Variants in LRWD1 observed in about 807,000 individuals in gnomAD.
LRWD1 encodes the protein leucine-rich repeat and WD repeat-containing protein 1.
A neutral mutation model predicts 75.6 loss-of-function variants in LRWD1; 76 were observed. That is an observed-to-expected ratio of 1.01 (90% CI 0.84 to 1.22). The LOEUF (loss-of-function observed/expected upper bound fraction) is 1.22, where lower values mean the gene tolerates loss of function less well. Among genes scored for constraint, LRWD1 ranks in the 50% most tolerant of loss-of-function variants. The probability of loss-of-function intolerance (pLI) is 0.00; values close to 1 mark genes in which losing one functional copy is unlikely to be tolerated. For missense variants in LRWD1, 917 were observed against 862.0 expected, an observed-to-expected ratio of 1.06 and a Z score of -0.80; for synonymous variants, 487 against 377.0, an observed-to-expected ratio of 1.29 and a Z score of -3.38.
intron 3 of LRWD1, among the ~76,000 whole-genome samples, chr7:102,467,118 G>GGGGT (rs71106687): frequency 3.5e-5 from 4 of 114,446 alleles, no homozygotes; most frequent in Non-Finnish European, 5.2e-5. Flanking sequence ...TTGTTGCTGG[G>GGGGT]GTGTGTGTGT....
At chr7:102,469,388 G>T (rs968941629) in intron 9 of LRWD1, among the ~76,000 whole-genome samples, 186 bp from the exon 10 acceptor site, 2 of 151,704 alleles carry the variant, frequency 1.3e-5, no homozygotes, top group Non-Finnish European at 2.9e-5. Flanking sequence ...TGGAGCCACC[G>T]CATCAGGTTA....
chr7:102,469,070 C>T lies in LRWD1; in HGVS notation c.1228+8C>T, dbSNP rs759454747. The T allele has an allele frequency of 1.9e-6, 3 of 1,590,398 alleles. No homozygotes were observed. The highest frequency in any genetic ancestry group is 2.6e-6 in the Non-Finnish European group (3 of 1,167,408). On this transcript the variant is annotated splice_region_variant and intron_variant, in intron 9 of 14. Coordinates refer to ENST00000292616, the MANE Select transcript of LRWD1 (RefSeq NM_152892.3). Reference sequence around the variant, plus strand: ...ACGAGACCCATCTCTTCAGTAAGCCCCTCCCCTTCACCCCTGGGACCCCCA... The same window carrying T: ...ACGAGACCCATCTCTTCAGTAAGCCTCTCCCCTTCACCCCTGGGACCCCCA...
At chr7:102,465,385 C>A in intron 1 of LRWD1, 1 of 442,270 alleles carries the variant, frequency 2.3e-6, no homozygotes, top group East Asian at 3.8e-5. Context: ...GCACAGCCTG[C>A]CGCTATCGTT....
chr7:102,466,581 A>AT (rs1218876525), intron 3 of LRWD1, among the ~76,000 whole-genome samples: 1 of 151,118 alleles, frequency 6.6e-6, no homozygotes, highest in South Asian at 2.1e-4. Context: ...TGCCCAGCTA[A>AT]TTTTTTTTGT....
chr7:102,472,554 G>C lies in LRWD1; in HGVS notation c.1635G>C (p.Ala545=), dbSNP rs761553328. ...CCACGGTGGCAGTGGTGGTCCTGGC[G>C]CGGCTGCAATGGTCGTCCACCGAGT... ...SQSTVAVVVL[A]RLQWSSTELA... Residue 545 remains alanine (A), a synonymous_variant, in exon 13 of 15, where the codon GCG becomes GCC. Coordinates refer to ENST00000292616, the MANE Select transcript of LRWD1 (RefSeq NM_152892.3). 8 of 1,597,482 alleles carry C rather than the reference G, an allele frequency of 5.0e-6. No individual in the cohort carries two copies. The East Asian group carries it at 1.4e-4, about 27-fold the overall frequency.
chr7:102,472,377 T>G, intron 12 of LRWD1, 68 bp downstream of exon 12: 1 of 1,551,472 alleles, frequency 6.4e-7, no homozygotes, highest in Non-Finnish European at 8.7e-7. Context: ...GTCCCTGGGC[T>G]AGGCTTCTGA....
At position 102,467,663 on chromosome 7, in the gene LRWD1, A is replaced by C. The variant is rs1164731949; in HGVS notation, c.574-56A>C. The C allele has an allele frequency of 2.0e-6, 3 of 1,531,064 alleles. No homozygotes were observed. In the South Asian group the frequency reaches 3.6e-5, roughly 18 times the overall value. 94.8% of individuals were successfully genotyped at this position (1,531,064 alleles called of 1,614,324 possible). A position where few individuals can be genotyped will look rare whatever the true frequency, so the allele number is the denominator to read the frequency against. Reference sequence around the variant, plus strand: ...AAGCTCCCCCTGACTATGCATCGGCAGGGCTGGGGGCACCTGGGACTCTGC... The same window carrying C: ...AAGCTCCCCCTGACTATGCATCGGCCGGGCTGGGGGCACCTGGGACTCTGC... On this transcript the variant is annotated intron_variant, in intron 4 of 14. Transcript: ENST00000292616.
intron 8 of LRWD1, 83 bp downstream of exon 8, chr7:102,468,737 C>A: frequency 6.6e-7 from 1 of 1,520,872 alleles, no homozygotes; most frequent in Non-Finnish European, 8.9e-7. Flanking sequence ...GCAGGCTCGG[C>A]CCCCTGCCCC....
At chr7:102,469,720 G>C (rs759028490) in intron 10 of LRWD1, 22 bp from the exon 11 acceptor site, 2 of 1,611,804 alleles carry the variant, frequency 1.2e-6, no homozygotes, top group South Asian at 1.1e-5. Context: ...CTGATGCTCT[G>C]TTCCCCCTTG....
rs369682391 is a variant in LRWD1 at position 102,469,808 on chromosome 7, C to T, written c.1368C>T (p.Asp456=). The T allele has an allele frequency of 1.1e-5, 17 of 1,607,604 alleles. No individual in the cohort carries two copies. The African/African-American group carries it at 1.6e-4, about 15-fold the overall frequency. The change falls in exon 11 of 15, where the codon GAC becomes GAT. Residue 456 remains aspartate, a synonymous_variant. Coordinates refer to ENST00000292616, the MANE Select transcript of LRWD1 (RefSeq NM_152892.3). Reference sequence around the variant, plus strand: ...TCTGCCCTGTCGCCTCCTGCCCGGACGCCCGCCTGCTGGCCGGCTGCGAGG... The same window carrying T: ...TCTGCCCTGTCGCCTCCTGCCCGGATGCCCGCCTGCTGGCCGGCTGCGAGG... The part of the protein sequence containing the change: ...LRLCPVASCP[D]ARLLAGCEGG...
chr7:102,470,535 T>TG (rs1371588147), intron 11 of LRWD1: 2 of 152,388 alleles, frequency 1.3e-5, no homozygotes, highest in Non-Finnish European at 2.9e-5. Context: ...ATGGATATTC[T>TG]GGGGCTCACG....
In LRWD1 at chr7:102,469,575, G is replaced by A. The variant is rs140653534; in HGVS notation, c.1230G>A (p.Thr410=). 2.1e-5 allele frequency: 34 copies of A among 1,614,082 alleles called. No homozygotes were observed. The highest frequency in any genetic ancestry group is 7.7e-5 in the South Asian group (7 of 91,084). The change falls in exon 10 of 15, where the codon ACG becomes ACA. Residue 410 remains threonine (T), a splice_region_variant and synonymous_variant. Transcript: ENST00000292616. ...FSPAHETHLF[T]ASYDKRIILW... ...TCCCCTACCCCACCCCCTCTTCAGC[G>A]GCCTCCTATGACAAGCGGATCATCC...
At position 102,468,665 on chromosome 7, in the gene LRWD1, G is replaced by C; in HGVS notation, c.1020+11G>C. On this transcript the variant is annotated intron_variant, in intron 8 of 14. Coordinates refer to ENST00000292616, the MANE Select transcript of LRWD1 (RefSeq NM_152892.3). ...AAGGCACCCGGCGAGGTGAGTGCAAGGCCCTGTCCCTGCTGGGCAAGGGTG... is the reference window on the plus strand; with the variant it reads ...AAGGCACCCGGCGAGGTGAGTGCAACGCCCTGTCCCTGCTGGGCAAGGGTG... 6.4e-7 allele frequency: 1 copy of C among 1,558,318 alleles called. No homozygotes were observed. Among genetic ancestry groups the C allele is most frequent in the Non-Finnish European group, 8.7e-7 (1 of 1,151,154 alleles).
Position 102,472,756 on chromosome 7 carries a change from C to T in LRWD1, c.1755C>T (p.Ile585=), listed in dbSNP as rs770420634. The part of the protein sequence containing the change: ...GNVWLYDVSN[I]LKQPPLLPAA... Reference sequence around the variant, plus strand: ...TGTGGCTCTACGACGTCAGCAACATCCTGAAGCAGCCACCCCTGCTGCCGG... The same window carrying T: ...TGTGGCTCTACGACGTCAGCAACATTCTGAAGCAGCCACCCCTGCTGCCGG... Residue 585 remains isoleucine (I), a synonymous_variant, in exon 14 of 15, where the codon ATC becomes ATT. Coordinates refer to ENST00000292616, the MANE Select transcript of LRWD1 (RefSeq NM_152892.3). 1 of 1,613,464 alleles carries T rather than the reference C, an allele frequency of 6.2e-7. No homozygotes were observed. Among genetic ancestry groups the T allele is most frequent in the Non-Finnish European group, 8.5e-7 (1 of 1,179,960 alleles).
At chr7:102,468,753 C>G in intron 8 of LRWD1, 99 bp downstream of exon 8, 2 of 1,526,322 alleles carry the variant, frequency 1.3e-6, no homozygotes, top group South Asian at 1.2e-5. Flanking sequence ...GCCCCATGGC[C>G]TTTTTCTTTC....
At chr7:102,472,663 C>T (rs568420945) in intron 13 of LRWD1, 29 bp from the exon 14 acceptor site, 4 of 1,612,842 alleles carry the variant, frequency 2.5e-6, no homozygotes, top group African/African-American at 1.3e-5. Flanking sequence ...AGCTCTGCCC[C>T]CACTCAGACT....
At chr7:102,466,573 C>T (rs1463852731) in intron 3 of LRWD1, among the ~76,000 whole-genome samples, 2 of 151,988 alleles carry the variant, frequency 1.3e-5, no homozygotes, top group Non-Finnish European at 2.9e-5. Context: ...TGCCACCATG[C>T]CCAGCTAATT....
intron 9 of LRWD1, 123 bp from the exon 10 acceptor site, chr7:102,469,451 G>T: frequency 9.0e-7 from 1 of 1,115,316 alleles, no homozygotes; most frequent in African/African-American, 1.5e-5. Context: ...TCCTAGCCTC[G>T]GCCCGCCCTC....
chr7:102,471,936 C>T (rs1019345224), intron 11 of LRWD1: 7 of 409,492 alleles, frequency 1.7e-5, no homozygotes, highest in Admixed American at 1.1e-4. Flanking sequence ...GGCACTGGCT[C>T]GCTTCAGAGC....
Sources: allele counts gnomAD v4.1 joint callset (sites outside exome capture counted in the v4.1 genomes callset), GRCh38; gene constraint gnomAD v4.1.1; transcripts MANE v1.5; gene names NCBI Gene and HGNC (gene_info 2026-07-23, HGNC 2026-07-21).